The following ZP3 variants were observed in gnomAD, a reference collection of about 807,000 sequenced individuals.
ZP3 encodes zona pellucida sperm-binding protein 3.
In ZP3, 21 loss-of-function variants were observed where a neutral mutation model predicts 35.6. That is an observed-to-expected ratio of 0.59 (90% CI 0.42 to 0.85). The LOEUF is 0.85. Among genes scored for constraint, ZP3 ranks in the 40% least tolerant of loss-of-function variants. ZP3 has a pLI of 0.00. For missense variants in ZP3, 437 were observed against 536.5 expected (o/e 0.81, Z 1.83); for synonymous variants, 207 against 214.5 (o/e 0.96, Z 0.31).
At position 76,436,024 on chromosome 7, in the gene ZP3, C is replaced by T. The variant is rs1622618; in HGVS notation, c.831+1869C>T. Reference sequence around the variant, plus strand: ...TAGGCATGAACCACCACGCGCCCCCCGCCCCCTTTTTTTTTTTTTTTTTTT... The same window carrying T: ...TAGGCATGAACCACCACGCGCCCCCTGCCCCCTTTTTTTTTTTTTTTTTTT... On this transcript the variant is annotated intron_variant, in intron 5 of 7. Transcript: ENST00000394857. Among the ~76,000 whole-genome samples the T allele has an allele frequency of 1.1e-3, 157 of 142,812 alleles. No homozygotes were observed. The East Asian group carries it at 0.013, about 12-fold the overall frequency. The allele number at this position is 142,812 out of a possible 152,430, so 93.7% of individuals were successfully genotyped here.
chr7:76,422,190 C>T (rs1805518545), upstream of ZP3, among the ~76,000 whole-genome samples: 1 of 151,950 alleles, frequency 6.6e-6, no homozygotes, highest in Non-Finnish European at 1.5e-5. Context: ...AGCCACTACG[C>T]CCGGCCAATA....
intron 1 of ZP3, among the ~76,000 whole-genome samples, chr7:76,411,365 A>G (rs1211533269): frequency 1.3e-5 from 2 of 151,880 alleles, no homozygotes; most frequent in Non-Finnish European, 2.9e-5. Context: ...CCAAGAGCTC[A>G]AGACCAGCCT....
At chr7:76,398,673 G>A in intron 1 of ZP3, 1 of 1,585,518 alleles carries the variant, frequency 6.3e-7, no homozygotes, top group South Asian at 1.1e-5. Flanking sequence ...GGGTGTGAGA[G>A]ACTCCTCTCC....
intron 2 of ZP3, among the ~76,000 whole-genome samples, chr7:76,431,439 A>G (rs1029151643): frequency 6.6e-6 from 1 of 152,188 alleles, no homozygotes; most frequent in Non-Finnish European, 1.5e-5. Context: ...CTGGTTATCA[A>G]TAGATGCATC....
chr7:76,423,025 G>GAGAGAGAGAGAGAAAGAAAGAAAGAA (rs1278384225), upstream of ZP3, among the ~76,000 whole-genome samples: 3 of 75,846 alleles, frequency 4.0e-5, no homozygotes, highest in Admixed American at 1.6e-4. Flanking sequence ...GAGAGAGAGA[G>GAGAGAGAGAGAGAAAGAAAGAAAGAA]AGAAAGAAAG....
Position 76,441,746 on chromosome 7 carries a change from CAT to C in ZP3, c.1061-93_1061-92del. 4 of 1,126,264 alleles carry C rather than the reference CAT, an allele frequency of 3.6e-6. No homozygotes were observed. The Admixed American group carries it at 5.3e-5, about 15-fold the overall frequency. 69.8% of individuals were successfully genotyped at this position (1,126,264 alleles called of 1,614,324 possible). On this transcript the variant is annotated intron_variant, in intron 7 of 7. Coordinates refer to ENST00000394857, the MANE Select transcript of ZP3 (RefSeq NM_001110354.2). The stretch of plus-strand genomic sequence containing the variant: ...TTATTAGCCCACACAAAAAAGACAA[CAT>C]ATTAGTTTAGCCCACTGAGGCAGAA...
chr7:76,400,526 A>G, intron 1 of ZP3: 1 of 1,575,370 alleles, frequency 6.3e-7, no homozygotes, highest in East Asian at 2.3e-5. Context: ...ACGCTGCCCC[A>G]GGAGCCACCG....
At chr7:76,424,877 C>T, upstream of ZP3, 2 of 1,298,550 alleles carry the variant, frequency 1.5e-6, no homozygotes, top group Non-Finnish European at 2.1e-6. Flanking sequence ...AGGGAGGCAG[C>T]TGAGAAGCTG....
In ZP3 at chr7:76,426,185, G is replaced by C. The variant is rs535337301; in HGVS notation, c.312+909G>C. ...AAGCATCAGTGGGTCCCTGGGGGCA[G>C]CTCCAAGGGGGAGAGGCTTAACCTG... On this transcript the variant is annotated intron_variant, in intron 1 of 7. Transcript: ENST00000394857. 2.0e-5 allele frequency among the ~76,000 whole-genome samples: 3 copies of C among 152,276 alleles called. No individual in the cohort carries two copies. In the East Asian group the frequency reaches 5.8e-4, roughly 29 times the overall value.
intron 1 of ZP3, among the ~76,000 whole-genome samples, chr7:76,399,833 G>A (rs1804756958): frequency 6.6e-6 from 1 of 152,072 alleles, no homozygotes; most frequent in Non-Finnish European, 1.5e-5. Flanking sequence ...TGATTGTCTG[G>A]TTTTAAAACT....
At position 76,433,526 on chromosome 7, in the gene ZP3, C is replaced by A. The variant is rs1805900458; in HGVS notation, c.592C>A (p.Leu198Ile). Residue 198 changes from leucine to isoleucine, a missense_variant, in exon 4 of 8, where the codon CTC becomes ATC. Leu to Ile is a conservative substitution (Grantham distance 5). Coordinates refer to ENST00000394857, the MANE Select transcript of ZP3 (RefSeq NM_001110354.2). ...PTFHLGDAAH[L>I]QAEIHTGSHV... The stretch of plus-strand genomic sequence containing the variant: ...CTTCCACCTGGGAGATGCAGCCCAC[C>A]TCCAGGCAGAAATCCACACTGGCAG... 1.2e-6 allele frequency: 2 copies of A among 1,614,148 alleles called. No homozygotes were observed. The highest frequency in any genetic ancestry group is 1.7e-6 in the Non-Finnish European group (2 of 1,180,016).
At chr7:76,418,041 G>C (rs1442920801) in intron 1 of ZP3, among the ~76,000 whole-genome samples, 1 of 150,342 alleles carries the variant, frequency 6.7e-6, no homozygotes, top group South Asian at 2.1e-4. Context: ...GGGTTCAAGC[G>C]GGTCTCCTGC....
At chr7:76,397,710 C>A (rs375655664) in exon 1 of ZP3, 1 of 1,613,484 alleles carries the variant, frequency 6.2e-7, no homozygotes, top group South Asian at 1.1e-5. Flanking sequence ...TGACGACAGA[C>A]CACAGCGGCA....
At chr7:76,410,446 G>T (rs762360482) in intron 1 of ZP3, among the ~76,000 whole-genome samples, 1 of 150,794 alleles carries the variant, frequency 6.6e-6, no homozygotes, top group Non-Finnish European at 1.5e-5. Context: ...CCGTCTCCCC[G>T]AGTTCAAGGG....
chr7:76,438,739 A>G (rs1806105595), intron 5 of ZP3, among the ~76,000 whole-genome samples: 1 of 138,948 alleles, frequency 7.2e-6, no homozygotes, highest in Non-Finnish European at 1.5e-5. Flanking sequence ...TGGTCGTCAT[A>G]TCCCTTACAG....
At chr7:76,397,576 G>A (rs1206362774) in exon 1 of ZP3, 1 of 1,608,900 alleles carries the variant, frequency 6.2e-7, no homozygotes, top group Admixed American at 1.7e-5. Flanking sequence ...CCCAGCCCAG[G>A]CTCTGGCAGG....
At chr7:76,427,329 C>A (rs945560228) in intron 1 of ZP3, among the ~76,000 whole-genome samples, 2 of 151,850 alleles carry the variant, frequency 1.3e-5, no homozygotes, top group African/African-American at 4.8e-5. Context: ...AGCCTGGCCA[C>A]GATGGTGAAA....
At chr7:76,404,728 C>G (rs1379234266) in intron 1 of ZP3, among the ~76,000 whole-genome samples, 2 of 151,746 alleles carry the variant, frequency 1.3e-5, no homozygotes, top group South Asian at 2.1e-4. Context: ...CCCAGGAGAT[C>G]GAGATATAGC....
intron 1 of ZP3, among the ~76,000 whole-genome samples, chr7:76,407,891 T>G (rs1420209521): frequency 6.6e-6 from 1 of 152,116 alleles, no homozygotes; most frequent in Non-Finnish European, 1.5e-5. Flanking sequence ...ACTGGTTGGT[T>G]GGGGAGAGAT....
Sources: gnomAD v4.1 joint callset for allele counts (sites outside exome capture counted in the v4.1 genomes callset) on GRCh38, gnomAD v4.1.1 for gene constraint, MANE v1.5 for transcripts, NCBI Gene and HGNC (gene_info 2026-07-23, HGNC 2026-07-21) for gene names.